Variants in HIPK3 observed in about 807,000 individuals in gnomAD.
HIPK3 encodes the protein homeodomain-interacting protein kinase 3.
Under a neutral mutation model 124.2 loss-of-function variants are expected in HIPK3, and 47 were observed. The observed-to-expected ratio is 0.38, with a 90% CI of 0.30 to 0.48. The LOEUF (loss-of-function observed/expected upper bound fraction) is 0.48. HIPK3 is among the 20% of genes least tolerant of loss of function. HIPK3 has a pLI of 0.98. For synonymous variants in HIPK3, 482 were observed against 515.2 expected (o/e 0.94, Z 0.87); for missense variants, 1,286 against 1,454.3 (o/e 0.88, Z 1.88).
At chr11:33,274,054 T>C (rs1851208604) in intron 1 of HIPK3, among the ~76,000 whole-genome samples, 1 of 152,236 alleles carries the variant, frequency 6.6e-6, no homozygotes, top group African/African-American at 2.4e-5. Context: ...AGGTAAACCA[T>C]ACTTTTGAAA....
chr11:33,271,446 A>G (rs1196592349), intron 1 of HIPK3, among the ~76,000 whole-genome samples: 1 of 152,202 alleles, frequency 6.6e-6, no homozygotes, highest in Non-Finnish European at 1.5e-5. Context: ...TGAGCCTGTA[A>G]TCACAGCTAC....
At chr11:33,257,274 G>GGAGCC (rs1437666580), upstream of HIPK3, 2 of 983,456 alleles carry the variant, frequency 2.0e-6, no homozygotes, top group Non-Finnish European at 2.4e-6. Flanking sequence ...GGAGCGGAGC[G>GGAGCC]GAGCCGCCCG....
rs752005667 is a variant in HIPK3 at position 33,348,170 on chromosome 11, AT to A, written c.2315del (p.Leu772TrpfsTer2). 2 of 1,613,794 alleles carry A rather than the reference AT, an allele frequency of 1.2e-6. No homozygotes were observed. The highest frequency in any genetic ancestry group is 1.1e-5 in the South Asian group (1 of 91,046). ...GCTCCCTTCTCAATTTCTCAGAGGT[AT>A]TTTGGTAAAACTAATGGAATGGGAG... ...KKNKQCQNRG[I>X]LVKLMEWEPG... is the part of the protein sequence containing the mutation. On this transcript the variant is annotated frameshift_variant, in exon 12 of 17. Coordinates refer to ENST00000303296, the MANE Select transcript of HIPK3 (RefSeq NM_005734.5). LOFTEE classifies it high-confidence loss of function.
intron 1 of HIPK3, among the ~76,000 whole-genome samples, chr11:33,266,390 C>T (rs929516181): frequency 6.6e-6 from 1 of 152,008 alleles, no homozygotes; most frequent in Non-Finnish European, 1.5e-5. Context: ...CACTGCTGTT[C>T]TTGCAGTGGG....
chr11:33,267,830 A>T (rs756931000), intron 1 of HIPK3, among the ~76,000 whole-genome samples: 1 of 152,212 alleles, frequency 6.6e-6, no homozygotes, highest in Non-Finnish European at 1.5e-5. Context: ...TATGTAACTT[A>T]AAAGTGTTTA....
At chr11:33,277,850 A>T (rs1851311547) in intron 1 of HIPK3, among the ~76,000 whole-genome samples, 1 of 152,214 alleles carries the variant, frequency 6.6e-6, no homozygotes, top group Non-Finnish European at 1.5e-5. Flanking sequence ...TGGTGGCTAT[A>T]AAATGGCATA....
Position 33,351,633 on chromosome 11 carries a change from A to G in HIPK3, c.2833A>G (p.Ser945Gly), listed in dbSNP as rs773590972. The change falls in exon 15 of 17, where the codon AGT (serine) becomes GGT (glycine). Residue 945 changes from serine to glycine, a missense_variant. Physicochemically the swap from Ser to Gly is moderately conservative, Grantham distance 56 (BLOSUM62 0). This residue lies in a region of HIPK3 where 810 missense variants were observed against 864.9 expected (regional missense o/e 0.94). Coordinates refer to ENST00000303296, the MANE Select transcript of HIPK3 (RefSeq NM_005734.5). The stretch of plus-strand genomic sequence containing the variant: ...TATGTCAGATGAAGAGCAAGAAAGT[A>G]GTTGTGATACGGTGGATGGCTCTCC... The part of the protein sequence containing the change: ...NSMSDEEQES[S>G]CDTVDGSPTS... 1.7e-5 allele frequency: 28 copies of G among 1,613,926 alleles called. No individual in the cohort carries two copies. The African/African-American group carries it at 2.1e-4, about 12-fold the overall frequency.
intron 1 of HIPK3, among the ~76,000 whole-genome samples, chr11:33,286,137 T>C (rs2133900669): frequency 6.6e-6 from 1 of 152,316 alleles, no homozygotes; most frequent in African/African-American, 2.4e-5. Context: ...AAATATTTGT[T>C]AAGTAATTAA....
chr11:33,319,938 T>A (rs753260365), intron 2 of HIPK3, among the ~76,000 whole-genome samples: 2 of 152,120 alleles, frequency 1.3e-5, no homozygotes, highest in Non-Finnish European at 2.9e-5. Context: ...ACTCTTCTAT[T>A]TAAGATGGTC....
chr11:33,286,857 C>G lies in HIPK3; in HGVS notation c.443C>G (p.Ser148Cys), dbSNP rs745443752. The change falls in exon 2 of 17, where the codon TCC (serine) becomes TGC (cysteine). Residue 148 changes from serine to cysteine, a missense_variant. Transcript: ENST00000303296. ...GCAATGCAGATTGTCGATGAATTGT[C>G]CATACTTCCTGCAATGTTGCAAACC... ...SSAMQIVDEL[S>C]ILPAMLQTNM... The G allele has an allele frequency of 3.7e-6, 6 of 1,614,106 alleles. No homozygotes were observed. The highest frequency in any genetic ancestry group is 5.1e-6 in the Non-Finnish European group (6 of 1,179,994).
chr11:33,271,382 A>G (rs1246404567), intron 1 of HIPK3, among the ~76,000 whole-genome samples: 4 of 152,116 alleles, frequency 2.6e-5, no homozygotes, highest in African/African-American at 7.2e-5. Context: ...GAGACCAGCC[A>G]TGGTGAGACC....
chr11:33,316,099 A>C (rs1170125772), intron 2 of HIPK3, among the ~76,000 whole-genome samples: 1 of 152,232 alleles, frequency 6.6e-6, no homozygotes, highest in Non-Finnish European at 1.5e-5. Flanking sequence ...AGTATTCTGT[A>C]GTGATGTTAT....
rs1386169009 is a variant in HIPK3, at chr11:33,356,140, A to AT, written c.*2578dup. On this transcript the variant is annotated 3_prime_UTR_variant, in exon 17 of 17. Coordinates refer to ENST00000303296, the MANE Select transcript of HIPK3 (RefSeq NM_005734.5). ...CATGTTTACTACCCTGAAATGTTGTATTTTTTGTCTTTAATTTCCAAGACT... is the reference window on the plus strand; with the variant it reads ...CATGTTTACTACCCTGAAATGTTGTATTTTTTTGTCTTTAATTTCCAAGACT... 6.6e-6 allele frequency: 1 copy of AT among 152,018 alleles called. No individual in the cohort carries two copies. Among genetic ancestry groups the AT allele is most frequent in the Non-Finnish European group, 1.5e-5 (1 of 67,898 alleles). 9.4% of individuals were successfully genotyped at this position (152,018 alleles called of 1,614,324 possible). A position where few individuals can be genotyped will look rare whatever the true frequency, so the allele number is the denominator to read the frequency against.
chr11:33,353,392 A>G lies in HIPK3; in HGVS notation c.3472A>G (p.Ser1158Gly). 1.2e-6 allele frequency: 2 copies of G among 1,614,156 alleles called. No homozygotes were observed. Among genetic ancestry groups the G allele is most frequent in the Non-Finnish European group, 1.7e-6 (2 of 1,180,002 alleles). Residue 1158 changes from serine to glycine, a missense_variant, in exon 17 of 17, where the codon AGT becomes GGT. This residue lies in a region of HIPK3 where 810 missense variants were observed against 864.9 expected (regional missense o/e 0.94). Coordinates refer to ENST00000303296, the MANE Select transcript of HIPK3 (RefSeq NM_005734.5). ...QHPTYNISHP[S>G]GIVHQVPVGL... ...TCCAACTTATAATATCTCCCATCCC[A>G]GTGGCATAGTTCACCAAGTCCCAGT...
chr11:33,286,278 A>T, intron 1 of HIPK3, 135 bp from the exon 2 acceptor site: 1 of 774,616 alleles, frequency 1.3e-6, no homozygotes, highest in South Asian at 2.6e-5. Flanking sequence ...CATGGAAATT[A>T]ATTACTTTTT....
chr11:33,260,250 A>C (rs371404843), intron 1 of HIPK3, among the ~76,000 whole-genome samples: 75 of 152,280 alleles, frequency 4.9e-4, no homozygotes, highest in Admixed American at 6.5e-4. Context: ...GTGGGCACAT[A>C]GGTTTTTATG....
intron 14 of HIPK3, among the ~76,000 whole-genome samples, chr11:33,350,206 G>A (rs890763050): frequency 1.3e-5 from 2 of 152,122 alleles, no homozygotes; most frequent in African/African-American, 4.8e-5. Flanking sequence ...AGTACTCACT[G>A]GCCCACTGTC....
At chr11:33,291,155 C>T (rs187191554) in intron 2 of HIPK3, among the ~76,000 whole-genome samples, 1 of 152,222 alleles carries the variant, frequency 6.6e-6, no homozygotes, top group East Asian at 1.9e-4. Context: ...GCAGATACCA[C>T]TACTCTGTTT....
intron 1 of HIPK3, chr11:33,258,542 G>A: frequency 3.0e-6 from 3 of 985,542 alleles, no homozygotes; most frequent in Non-Finnish European, 3.6e-6. Flanking sequence ...GGAGGAAGGC[G>A]TGGCGGCCGC....
Sources: allele counts gnomAD v4.1 joint callset (sites outside exome capture counted in the v4.1 genomes callset), GRCh38; gene constraint gnomAD v4.1.1; regional missense constraint gnomAD v4.1.1; transcripts MANE v1.5; gene names NCBI Gene and HGNC (gene_info 2026-07-23, HGNC 2026-07-21).